Variants in SRPK1 observed in about 807,000 individuals in gnomAD.
SRPK1 encodes SFRS protein kinase 1.
SRPK1 carries 52 observed loss-of-function variants against 89.5 expected under a neutral mutation model. The ratio of observed to expected loss-of-function variants is 0.58; its 90% CI spans 0.46 to 0.73. The LOEUF (loss-of-function observed/expected upper bound fraction) is 0.73, where lower values mean the gene tolerates loss of function less well. SRPK1 is among the 30% of genes least tolerant of loss of function. The pLI, the probability that SRPK1 is intolerant of heterozygous loss-of-function variation, is 0.00. For synonymous variants in SRPK1, 255 were observed against 270.2 expected, an observed-to-expected ratio of 0.94 and a Z score of 0.55; for missense variants, 603 against 780.6, an observed-to-expected ratio of 0.77 and a Z score of 2.71.
intron 6 of SRPK1, 82 bp from the exon 7 acceptor site, chr6:35,874,421 T>G (rs1010022454): frequency 1.1e-5 from 10 of 883,200 alleles, no homozygotes; most frequent in African/African-American, 1.0e-4. Flanking sequence ...CTATTAAATG[T>G]TATGTATTAT....
At position 35,869,084 on chromosome 6, in the gene SRPK1, C is replaced by T. The variant is rs752901350; in HGVS notation, c.1438G>A (p.Val480Ile). 5.0e-6 allele frequency: 8 copies of T among 1,613,684 alleles called. No individual in the cohort carries two copies. In the Admixed American group the frequency reaches 6.7e-5, roughly 13 times the overall value. ...GCATTTTTTGGCTCAAGGGGATTAACAAGAAAATTTCCAGCCGTGGATTTT... is the reference window on the plus strand; with the variant it reads ...GCATTTTTTGGCTCAAGGGGATTAATAAGAAAATTTCCAGCCGTGGATTTT... ...KGKSTAGNFL[V>I]NPLEPKNAEK... The change falls in exon 12 of 16, where the codon GTT becomes ATT. Residue 480 changes from valine (V) to isoleucine (I), a missense_variant. Val to Ile is a conservative substitution (Grantham distance 29, BLOSUM62 3). Coordinates refer to ENST00000373825, the MANE Select transcript of SRPK1 (RefSeq NM_003137.5).
chr6:35,920,264 G>T (rs749787820), intron 2 of SRPK1: 1 of 648,954 alleles, frequency 1.5e-6, no homozygotes, highest in South Asian at 1.6e-5. Context: ...GCAGGCCCGG[G>T]GCTGCTAAGA....
chr6:35,866,708 C>T (rs1180213232), intron 12 of SRPK1, among the ~76,000 whole-genome samples: 1 of 152,112 alleles, frequency 6.6e-6, no homozygotes, highest in African/African-American at 2.4e-5. Context: ...TAAATCATAT[C>T]AAAAATATAC....
rs962237804 is a variant in SRPK1, at chr6:35,866,254, T to C, written c.1512+2756A>G. Among the ~76,000 whole-genome samples the C allele has an allele frequency of 2.6e-5, 4 of 151,826 alleles. No individual in the cohort carries two copies. The South Asian group carries it at 6.3e-4, about 24-fold the overall frequency. On this transcript the variant is annotated intron_variant, in intron 12 of 15. Coordinates refer to ENST00000373825, the MANE Select transcript of SRPK1 (RefSeq NM_003137.5). ...TGGAGAAAAGGGACTTCTTACACAC[T>C]CTTGGTGGGAATGAAAATCAGCACC... is the stretch of plus-strand genomic sequence containing the variant.
At chr6:35,910,252 G>C (rs573373260) in intron 2 of SRPK1, among the ~76,000 whole-genome samples, 1 of 152,074 alleles carries the variant, frequency 6.6e-6, no homozygotes, top group Admixed American at 6.5e-5. Context: ...CAAAGTGCTG[G>C]GATTACAGGA....
chr6:35,915,406 CA>C (rs560685673), intron 2 of SRPK1, among the ~76,000 whole-genome samples: 168 of 73,896 alleles, frequency 2.3e-3, no homozygotes, highest in Middle Eastern at 7.0e-3. Flanking sequence ...GACACCGTCT[CA>C]AAAAAAAAAA....
intron 14 of SRPK1, among the ~76,000 whole-genome samples, chr6:35,839,636 C>G (rs1463322285): frequency 1.5e-5 from 2 of 135,640 alleles, no homozygotes; most frequent in South Asian, 2.6e-4. Flanking sequence ...TACTGCCCCC[C>G]CCCTTTTTTT....
chr6:35,866,169 T>C (rs1769898423), intron 12 of SRPK1, among the ~76,000 whole-genome samples: 1 of 152,118 alleles, frequency 6.6e-6, no homozygotes, highest in African/African-American at 2.4e-5. Flanking sequence ...GAGGTATCTT[T>C]CACCAATCAG....
At chr6:35,838,225 G>T in intron 15 of SRPK1, 112 bp downstream of exon 15, 1 of 742,766 alleles carries the variant, frequency 1.3e-6, no homozygotes. Context: ...CTAAGTCACA[G>T]GTTAGCATTC....
intron 14 of SRPK1, among the ~76,000 whole-genome samples, chr6:35,839,449 T>C (rs1311266323): frequency 1.3e-5 from 2 of 152,282 alleles, no homozygotes; most frequent in Non-Finnish European, 2.9e-5. Flanking sequence ...TTTTAATTTC[T>C]TCCTAAAATC....
In SRPK1 at chr6:35,891,033, T is replaced by C. The variant is rs2127258313; in HGVS notation, c.75-20A>G. ...TCAGATCTAAGAAATGATACAAAAA[T>C]GCCCATTCCATTTGGACAGAAGAAA... On this transcript the variant is annotated intron_variant, in intron 2 of 15. Transcript: ENST00000373825. 1.9e-6 allele frequency: 3 copies of C among 1,542,916 alleles called. No homozygotes were observed. The highest frequency in any genetic ancestry group is 2.5e-5 in the East Asian group (1 of 40,662).
Position 35,838,461 on chromosome 6 carries a change from A to G in SRPK1, c.1691-32T>C. ...ATTTCAAACATTTCAAGAGGGGGGAAAAAAAAGATCCGTAACAAGAGTAAC... is the reference window on the plus strand; with the variant it reads ...ATTTCAAACATTTCAAGAGGGGGGAGAAAAAAGATCCGTAACAAGAGTAAC... On this transcript the variant is annotated intron_variant, in intron 14 of 15. Coordinates refer to ENST00000373825, the MANE Select transcript of SRPK1 (RefSeq NM_003137.5). 3 of 1,522,370 alleles carry G rather than the reference A, an allele frequency of 2.0e-6. No individual in the cohort carries two copies. The South Asian group carries it at 3.7e-5, about 19-fold the overall frequency. The allele number at this position is 1,522,370 out of a possible 1,614,324, so 94.3% of individuals were successfully genotyped here.
intron 15 of SRPK1, among the ~76,000 whole-genome samples, chr6:35,836,399 T>C (rs1326241526): frequency 2.0e-5 from 3 of 152,156 alleles, no homozygotes; most frequent in Non-Finnish European, 4.4e-5. Context: ...ATTGCTTCTT[T>C]GAAGTGACAA....
Position 35,890,904 on chromosome 6 carries a change from AATCATTAGG to A in SRPK1, c.175_183del (p.Pro59_Asp61del). 6.5e-7 allele frequency: 1 copy of A among 1,549,748 alleles called. No homozygotes were observed. Among genetic ancestry groups the A allele is most frequent in the Non-Finnish European group, 8.7e-7 (1 of 1,146,502 alleles). On this transcript the variant is annotated inframe_deletion, in exon 3 of 16. Coordinates refer to ENST00000373825, the MANE Select transcript of SRPK1 (RefSeq NM_003137.5). The stretch of plus-strand genomic sequence containing the variant: ...CTCTTTATGAACTTACCTTTACAAT[AATCATTAGG>A]ATCTTCTTGCTCATCATCATCAGAT...
intron 7 of SRPK1, 33 bp downstream of exon 7, chr6:35,874,200 A>C: frequency 6.8e-7 from 1 of 1,472,374 alleles, no homozygotes; most frequent in Non-Finnish European, 9.4e-7. Context: ...TACATAGTCA[A>C]GACTAAGATA....
chr6:35,848,083 G>A (rs1353355836), intron 13 of SRPK1, among the ~76,000 whole-genome samples: 1 of 152,168 alleles, frequency 6.6e-6, no homozygotes, highest in Non-Finnish European at 1.5e-5. Context: ...CTACAGGTAT[G>A]AGCCACTGTG....
At chr6:35,874,944 C>T (rs1030540106) in intron 6 of SRPK1, among the ~76,000 whole-genome samples, 2 of 152,180 alleles carry the variant, frequency 1.3e-5, no homozygotes, top group Non-Finnish European at 2.9e-5. Context: ...TGACACCACA[C>T]AGCAGGAATA....
chr6:35,913,969 C>CTTTTTTTTTTTTTTTTTTTTTTTTTT, intron 2 of SRPK1, among the ~76,000 whole-genome samples: 1 of 92,934 alleles, frequency 1.1e-5, no homozygotes, highest in Non-Finnish European at 2.1e-5. Flanking sequence ...GATACTTTCT[C>CTTTTTTTTTTTTTTTTTTTTTTTTTT]TTTTTTTTTT....
intron 2 of SRPK1, among the ~76,000 whole-genome samples, chr6:35,918,940 G>C (rs1771170059): frequency 6.6e-6 from 1 of 152,180 alleles, no homozygotes; most frequent in African/African-American, 2.4e-5. Context: ...TAGTCTGAGA[G>C]ACCAGGATTT....
Sources: allele counts gnomAD v4.1 joint callset (sites outside exome capture counted in the v4.1 genomes callset), GRCh38; gene constraint gnomAD v4.1.1; transcripts MANE v1.5; gene names NCBI Gene and HGNC (gene_info 2026-07-23, HGNC 2026-07-21).